Variants in GIGYF2 observed in about 807,000 individuals in gnomAD.
The protein encoded by GIGYF2 is GRB10 interacting GYF protein 2, also known as GRB10-interacting GYF protein 2.
Under a neutral mutation model 208.1 loss-of-function variants are expected in GIGYF2, and 25 were observed. The observed-to-expected ratio is 0.12, with a 90% confidence interval of 0.09 to 0.17. The LOEUF is 0.17. Among genes scored for constraint, GIGYF2 ranks in the 10% least tolerant of loss-of-function variants. The probability of loss-of-function intolerance (pLI) is 1.00; values close to 1 mark genes in which losing one functional copy is unlikely to be tolerated. For synonymous variants in GIGYF2, 534 were observed against 543.8 expected, an observed-to-expected ratio of 0.98 and a Z score of 0.25; for missense variants, 1,302 against 1,579.4, an observed-to-expected ratio of 0.82 and a Z score of 2.98.
At position 232,845,982 on chromosome 2, in the gene GIGYF2, T is replaced by G. The variant is rs1701990063; in HGVS notation, c.3460+96T>G. On this transcript the variant is annotated intron_variant, in intron 26 of 28. Coordinates refer to ENST00000373563, the MANE Select transcript of GIGYF2 (RefSeq NM_001103146.3). ...GAACAGTGGGCCAAAAGTCAAAAGA[T>G]GAAATCTAAGGAGGTCAACTGCTGC... 4.9e-6 allele frequency: 4 copies of G among 824,430 alleles called. No homozygotes were observed. The Admixed American group carries it at 5.9e-5, about 12-fold the overall frequency. 51.1% of individuals were successfully genotyped at this position (824,430 alleles called of 1,614,324 possible).
At chr2:232,856,582 C>T (rs991512345) in intron 28 of GIGYF2, among the ~76,000 whole-genome samples, 2 of 152,088 alleles carry the variant, frequency 1.3e-5, no homozygotes, top group African/African-American at 4.8e-5. Context: ...AATCCAGCTA[C>T]TTGGGAGTCT....
chr2:232,702,159 C>A (rs539342556), intron 1 of GIGYF2, among the ~76,000 whole-genome samples: 1 of 152,222 alleles, frequency 6.6e-6, no homozygotes, highest in Non-Finnish European at 1.5e-5. Flanking sequence ...AAATAACTGG[C>A]CGGGTGCAGT....
intron 3 of GIGYF2, among the ~76,000 whole-genome samples, chr2:232,744,819 ACCTGCAAC>A (rs1407978727): frequency 1.3e-5 from 2 of 152,150 alleles, no homozygotes; most frequent in Non-Finnish European, 2.9e-5. Flanking sequence ...GTGTGAGCTA[ACCTGCAAC>A]CGGTCAATTG....
chr2:232,729,924 G>T lies in GIGYF2; in HGVS notation c.-43-5231G>T, dbSNP rs1697378957. The stretch of plus-strand genomic sequence containing the variant: ...GTCATCATCATCTTTACTATCTTTA[G>T]CTCCTCTTCCTATAGTGTCTTCCAT... On this transcript the variant is annotated intron_variant, in intron 2 of 28. Transcript: ENST00000373563. 5.4e-6 allele frequency: 4 copies of T among 736,480 alleles called. No homozygotes were observed. The South Asian group carries it at 5.8e-5, about 11-fold the overall frequency. The allele number at this position is 736,480 out of a possible 1,614,324, so 45.6% of individuals were successfully genotyped here. A position where few individuals can be genotyped will look rare whatever the true frequency, so the allele number is the denominator to read the frequency against.
chr2:232,718,417 G>A (rs114820522), intron 2 of GIGYF2, among the ~76,000 whole-genome samples: 1,866 of 152,194 alleles, frequency 0.012, 45 homozygotes, highest in African/African-American at 0.042. Context: ...TTTTTAAACT[G>A]CTGAGTAATA....
intron 9 of GIGYF2, 54 bp from the exon 10 acceptor site, chr2:232,790,644 T>C: frequency 2.2e-6 from 3 of 1,394,634 alleles, no homozygotes; most frequent in South Asian, 1.2e-5. Context: ...GATTTTCTTA[T>C]TCAAATACTG....
chr2:232,732,087 TC>T (rs1398457281), intron 2 of GIGYF2, among the ~76,000 whole-genome samples: 1 of 152,158 alleles, frequency 6.6e-6, no homozygotes, highest in Non-Finnish European at 1.5e-5. Context: ...TTCCTCCCTC[TC>T]CCCACCAGTC....
chr2:232,760,985 T>C (rs1419053013), intron 7 of GIGYF2, among the ~76,000 whole-genome samples: 2 of 152,016 alleles, frequency 1.3e-5, no homozygotes, highest in African/African-American at 4.8e-5. Flanking sequence ...ATGATGATAT[T>C]TATAATACAA....
intron 8 of GIGYF2, among the ~76,000 whole-genome samples, chr2:232,770,540 A>G (rs754470350): frequency 6.6e-6 from 1 of 152,320 alleles, no homozygotes; most frequent in Non-Finnish European, 1.5e-5. Context: ...TAGGTATTGA[A>G]TGTATTTATT....
intron 8 of GIGYF2, among the ~76,000 whole-genome samples, chr2:232,762,235 T>G (rs200851885): frequency 0.063 from 7,359 of 116,432 alleles, 269 homozygotes; most frequent in East Asian, 0.18. Context: ...TCTTTTTTTT[T>G]TTGTTTTTTT....
At chr2:232,765,727 T>G in intron 8 of GIGYF2, 2 of 303,292 alleles carry the variant, frequency 6.6e-6, no homozygotes, top group South Asian at 5.6e-5. Flanking sequence ...TACAAATTAG[T>G]GTATTTTGGT....
chr2:232,852,116 G>A (rs765439724), intron 28 of GIGYF2, among the ~76,000 whole-genome samples: 37 of 152,192 alleles, frequency 2.4e-4, no homozygotes, highest in Non-Finnish European at 7.3e-5. Context: ...CATGAAGAGC[G>A]TGAGACCCCG....
chr2:232,739,627 G>C (rs1245471636), intron 3 of GIGYF2, among the ~76,000 whole-genome samples: 3 of 151,860 alleles, frequency 2.0e-5, no homozygotes, highest in Non-Finnish European at 2.9e-5. Context: ...TGCCATGACT[G>C]CGCTGCTGCA....
chr2:232,837,443 A>C (rs186255822), intron 22 of GIGYF2, among the ~76,000 whole-genome samples: 1 of 152,234 alleles, frequency 6.6e-6, no homozygotes, highest in Non-Finnish European at 1.5e-5. Context: ...TGCCCTTAGG[A>C]GTATTTCCAG....
chr2:232,791,599 T>C (rs1394570850), intron 12 of GIGYF2, among the ~76,000 whole-genome samples, 153 bp downstream of exon 12: 2 of 152,220 alleles, frequency 1.3e-5, no homozygotes, highest in African/African-American at 4.8e-5. Flanking sequence ...AGTCAAACAG[T>C]GCTTCTCACG....
chr2:232,860,277 A>G lies in GIGYF2; in HGVS notation c.*3417A>G, dbSNP rs1015650416. ...CTCCCAAGTAGCTGGGACTACAGCT[A>G]TGTGCCAGTGCACCCAGCTTGTTTT... is the stretch of plus-strand genomic sequence containing the variant. On this transcript the variant is annotated 3_prime_UTR_variant, in exon 29 of 29. Transcript: ENST00000373563. The G allele has an allele frequency of 4.3e-4, 66 of 152,102 alleles. No homozygotes were observed. Among genetic ancestry groups the G allele is most frequent in the African/African-American group, 1.3e-3 (55 of 41,526 alleles). The allele number at this position is 152,102 out of a possible 1,614,324, so 9.4% of individuals were successfully genotyped here. A position where few individuals can be genotyped will look rare whatever the true frequency, so the allele number is the denominator to read the frequency against.
Position 232,766,310 on chromosome 2 carries a change from A to T in GIGYF2, c.532+4874A>T, listed in dbSNP as rs369335960. 1.4e-4 allele frequency among the ~76,000 whole-genome samples: 22 copies of T among 152,268 alleles called. No individual in the cohort carries two copies. The East Asian group carries it at 3.1e-3, about 21-fold the overall frequency. ...TTTTCAAATGCCAAATTTATTATAA[A>T]CAGTAAGTATAATATGAAACTCATC... On this transcript the variant is annotated intron_variant, in intron 8 of 28. Coordinates refer to ENST00000373563, the MANE Select transcript of GIGYF2 (RefSeq NM_001103146.3).
chr2:232,729,263 A>G (rs1697343917), intron 2 of GIGYF2, among the ~76,000 whole-genome samples: 1 of 152,142 alleles, frequency 6.6e-6, no homozygotes, highest in Non-Finnish European at 1.5e-5. Context: ...TACAGGTGTG[A>G]GGCACTGCAT....
At position 232,744,755 on chromosome 2, in the gene GIGYF2, C is replaced by T. The variant is rs187066525; in HGVS notation, c.42-2860C>T. On this transcript the variant is annotated intron_variant, in intron 3 of 28. Coordinates refer to ENST00000373563, the MANE Select transcript of GIGYF2 (RefSeq NM_001103146.3). Reference sequence around the variant, plus strand: ...TCGTGTTGCCCAGGCTGGTCTTGAACTCTTGTACTGAAGTGATCCACACTC... The same window carrying T: ...TCGTGTTGCCCAGGCTGGTCTTGAATTCTTGTACTGAAGTGATCCACACTC... Among the ~76,000 whole-genome samples the T allele has an allele frequency of 9.5e-3, 1,446 of 152,024 alleles. 18 individuals carry two copies. The highest frequency in any genetic ancestry group is 0.016 in the Non-Finnish European group (1,075 of 67,966).
Sources: allele counts gnomAD v4.1 joint callset (sites outside exome capture counted in the v4.1 genomes callset), GRCh38; gene constraint gnomAD v4.1.1; transcripts MANE v1.5; gene names NCBI Gene and HGNC (gene_info 2026-07-23, HGNC 2026-07-21).